CNTN4: variants seen among roughly 807,000 people sequenced by gnomAD.
CNTN4 encodes the protein contactin 4.
A neutral mutation model predicts 122.5 loss-of-function variants in CNTN4; 77 were observed. That is an observed-to-expected ratio of 0.63 (90% CI 0.52 to 0.76). The LOEUF is 0.76. Ranked by LOEUF, CNTN4 falls within the 30% of genes least tolerant of loss-of-function variation. CNTN4 has a pLI of 0.00. For synonymous variants in CNTN4, 512 were observed against 447.0 expected (o/e 1.15, Z -1.83); for missense variants, 1,256 against 1,259.1 (o/e 1.00, Z 0.04).
chr3:2,296,934 T>C (rs1187101721), intron 2 of CNTN4, among the ~76,000 whole-genome samples: 2 of 152,212 alleles, frequency 1.3e-5, no homozygotes, highest in Non-Finnish European at 2.9e-5. Flanking sequence ...ATGTTATTTC[T>C]ATTTTCTTCT....
chr3:2,236,511 G>T (rs190587180), intron 2 of CNTN4, among the ~76,000 whole-genome samples: 1 of 152,302 alleles, frequency 6.6e-6, no homozygotes, highest in African/African-American at 2.4e-5. Flanking sequence ...TGAACTACAT[G>T]TGAAGAGTAA....
At chr3:2,689,009 G>C (rs1481078020) in intron 4 of CNTN4, among the ~76,000 whole-genome samples, 1 of 152,178 alleles carries the variant, frequency 6.6e-6, no homozygotes, top group Non-Finnish European at 1.5e-5. Flanking sequence ...GTCATCCACA[G>C]TTGAGACTGG....
chr3:2,749,809 C>G (rs1204897787), intron 6 of CNTN4, among the ~76,000 whole-genome samples: 2 of 152,106 alleles, frequency 1.3e-5, no homozygotes, highest in Admixed American at 1.3e-4. Context: ...AAAAGAAAAT[C>G]AAAAGACATT....
At chr3:2,342,677 C>T (rs939308865) in intron 3 of CNTN4, among the ~76,000 whole-genome samples, 3 of 152,176 alleles carry the variant, frequency 2.0e-5, no homozygotes, top group African/African-American at 7.2e-5. Flanking sequence ...TCTCACTATT[C>T]TTCCTGCTGC....
intron 8 of CNTN4, among the ~76,000 whole-genome samples, chr3:2,880,518 G>A (rs2093895639): frequency 6.6e-6 from 1 of 152,198 alleles, no homozygotes; most frequent in Admixed American, 6.5e-5. Context: ...TTCAACAGCT[G>A]TGTGTGAATG....
intron 2 of CNTN4, among the ~76,000 whole-genome samples, chr3:2,252,981 C>T (rs1459189856): frequency 2.0e-5 from 3 of 151,590 alleles, no homozygotes; most frequent in Admixed American, 6.6e-5. Flanking sequence ...AAAAGAATAC[C>T]AGTAATACAT....
chr3:2,139,521 A>T (rs2034885660), intron 2 of CNTN4, among the ~76,000 whole-genome samples: 1 of 152,200 alleles, frequency 6.6e-6, no homozygotes, highest in Non-Finnish European at 1.5e-5. Context: ...CTTTGCAAAG[A>T]TATAACATAA....
At chr3:2,412,193 A>C (rs766346069) in intron 3 of CNTN4, among the ~76,000 whole-genome samples, 3 of 151,788 alleles carry the variant, frequency 2.0e-5, no homozygotes, top group Admixed American at 2.0e-4. Flanking sequence ...TTATATGAAT[A>C]TATCGCAATC....
intron 3 of CNTN4, among the ~76,000 whole-genome samples, chr3:2,346,794 T>A (rs1316090600): frequency 2.0e-5 from 3 of 152,236 alleles, no homozygotes; most frequent in Non-Finnish European, 4.4e-5. Context: ...AGTTTCACAA[T>A]GATAAGTCCA....
chr3:2,954,124 TTTGTAA>T (rs1443473165), intron 13 of CNTN4, among the ~76,000 whole-genome samples: 4 of 152,218 alleles, frequency 2.6e-5, no homozygotes, highest in Admixed American at 2.6e-4. Context: ...TAATTGCAGC[TTTGTAA>T]ACCTAACCTA....
At chr3:2,109,729 A>G (rs2032796460) in intron 2 of CNTN4, among the ~76,000 whole-genome samples, 1 of 152,212 alleles carries the variant, frequency 6.6e-6, no homozygotes, top group Non-Finnish European at 1.5e-5. Flanking sequence ...TGTTATCCAT[A>G]TTATGATGGG....
chr3:2,124,592 G>T (rs148588535), intron 2 of CNTN4, among the ~76,000 whole-genome samples: 2 of 151,900 alleles, frequency 1.3e-5, no homozygotes, highest in East Asian at 3.9e-4. Flanking sequence ...TGAGCTCCTT[G>T]TCTCAACAAC....
chr3:2,313,812 C>A (rs1336495510), intron 2 of CNTN4, among the ~76,000 whole-genome samples: 1 of 151,564 alleles, frequency 6.6e-6, no homozygotes, highest in Non-Finnish European at 1.5e-5. Flanking sequence ...TCAGGCATAC[C>A]CACCAAATAC....
chr3:2,781,816 C>T, intron 6 of CNTN4, among the ~76,000 whole-genome samples: 1 of 138,106 alleles, frequency 7.2e-6, no homozygotes, highest in African/African-American at 3.1e-5. Flanking sequence ...CCTCCGCCTC[C>T]CGGGTTCCCG....
intron 2 of CNTN4, among the ~76,000 whole-genome samples, chr3:2,198,781 C>T (rs1388234439): frequency 1.3e-5 from 2 of 152,040 alleles, no homozygotes; most frequent in Non-Finnish European, 2.9e-5. Context: ...ATTTGAAAAC[C>T]AGCTCTTATC....
At chr3:2,889,446 G>A (rs747834623) in intron 10 of CNTN4, among the ~76,000 whole-genome samples, 48 of 152,108 alleles carry the variant, frequency 3.2e-4, no homozygotes, top group Non-Finnish European at 5.1e-4. Flanking sequence ...TTAGTTGATG[G>A]GTTGTAAAGC....
At chr3:2,835,049 C>G (rs538085375) in intron 7 of CNTN4, among the ~76,000 whole-genome samples, 1 of 151,642 alleles carries the variant, frequency 6.6e-6, no homozygotes, top group Non-Finnish European at 1.5e-5. Flanking sequence ...GGACTACAGG[C>G]GCCCGCCACC....
intron 4 of CNTN4, among the ~76,000 whole-genome samples, chr3:2,697,601 C>A (rs1258928014): frequency 6.6e-6 from 1 of 152,098 alleles, no homozygotes; most frequent in Non-Finnish European, 1.5e-5. Flanking sequence ...GATCTTAAGT[C>A]TTTGCAATTA....
intron 6 of CNTN4, among the ~76,000 whole-genome samples, chr3:2,782,874 A>G (rs1474021): frequency 0.77 from 116,541 of 152,092 alleles, 46,337 homozygotes; most frequent in East Asian, 0.91. Context: ...CTTAGGACCA[A>G]TGAGTAACCC....
Sources: allele counts gnomAD v4.1 joint callset (sites outside exome capture counted in the v4.1 genomes callset), GRCh38; gene constraint gnomAD v4.1.1; transcripts MANE v1.5; gene names NCBI Gene and HGNC (gene_info 2026-07-23, HGNC 2026-07-21).